The following RBFOX2 variants were observed in gnomAD, a reference collection of about 807,000 sequenced individuals.
The protein encoded by RBFOX2 is RNA binding protein fox-1 homolog 2.
In RBFOX2, 10 loss-of-function variants were observed where a neutral mutation model predicts 49.1. That is an observed-to-expected ratio of 0.20 (90% CI 0.13 to 0.35). The LOEUF is 0.35. RBFOX2 is among the 10% of genes least tolerant of loss of function. The pLI is 1.00. For synonymous variants in RBFOX2, 183 were observed against 187.4 expected (o/e 0.98, Z 0.19); for missense variants, 323 against 486.9 (o/e 0.66, Z 3.17).
Position 35,828,616 on chromosome 22 carries a change from T to A in RBFOX2, c.27+11576A>T, listed in dbSNP as rs1337472126. On this transcript the variant is annotated intron_variant, in intron 1 of 11. Transcript: ENST00000405409. ...GGAGCTCACACAGTGCCAAGAATAA[T>A]CCTGTTCTTAACAGCCAGAGTGGAA... Among the ~76,000 whole-genome samples the A allele has an allele frequency of 5.9e-5, 9 of 152,274 alleles. No homozygotes were observed. The South Asian group carries it at 1.9e-3, about 32-fold the overall frequency.
At chr22:35,741,013 A>G (rs2145636094) in exon 12 of RBFOX2, 1 of 152,312 alleles carries the variant, frequency 6.6e-6, no homozygotes, top group South Asian at 2.1e-4. Flanking sequence ...TTCTTTCTCA[A>G]AGAAAAAAAA....
intron 1 of RBFOX2, among the ~76,000 whole-genome samples, chr22:35,849,426 A>C (rs149158876): frequency 4.5e-4 from 69 of 152,208 alleles, no homozygotes; most frequent in African/African-American, 1.6e-3. Flanking sequence ...AAATCCTCTT[A>C]TTACAGTAAA....
At chr22:35,757,418 T>A (rs1461265936) in intron 9 of RBFOX2, among the ~76,000 whole-genome samples, 1 of 152,132 alleles carries the variant, frequency 6.6e-6, no homozygotes, top group Non-Finnish European at 1.5e-5. Flanking sequence ...CAAGATCAGA[T>A]TGTTTTAATT....
rs1399863379 is a variant in RBFOX2 at position 35,778,200 on chromosome 22, GTTTGTA to G, written c.400-128_400-123del. ...AGTAAACTACTTATTTAACTTCTAT[GTTTGTA>G]TTTGTTAGTAAGTTCCAATACCAGT... On this transcript the variant is annotated intron_variant, in intron 3 of 11. Coordinates refer to ENST00000405409, the Ensembl canonical transcript of RBFOX2. 18 of 774,496 alleles carry G rather than the reference GTTTGTA, an allele frequency of 2.3e-5. No homozygotes were observed. In the African/African-American group the frequency reaches 3.2e-4, roughly 14 times the overall value. 48.0% of individuals were successfully genotyped at this position (774,496 alleles called of 1,614,324 possible).
intron 1 of RBFOX2, among the ~76,000 whole-genome samples, chr22:35,878,011 T>C: frequency 6.7e-6 from 1 of 148,612 alleles, no homozygotes; most frequent in Admixed American, 6.7e-5. Flanking sequence ...TTATTTTACA[T>C]ACATATACAT....
upstream of RBFOX2, among the ~76,000 whole-genome samples, chr22:35,845,548 A>G (rs1009983789): frequency 6.6e-6 from 1 of 152,214 alleles, no homozygotes; most frequent in African/African-American, 2.4e-5. Flanking sequence ...CAGTGAGGCC[A>G]GGCAAATCAA....
chr22:35,841,096 T>C (rs1481200977), upstream of RBFOX2, among the ~76,000 whole-genome samples: 1 of 152,188 alleles, frequency 6.6e-6, no homozygotes, highest in Non-Finnish European at 1.5e-5. Context: ...GAAAAAGGTG[T>C]CTACAAATAT....
At chr22:35,993,569 G>T (rs1486912431) in intron 1 of RBFOX2, 1 of 152,056 alleles carries the variant, frequency 6.6e-6, no homozygotes, top group Admixed American at 6.6e-5. Context: ...AGAGATCCTG[G>T]GACAGAACTA....
chr22:35,943,712 C>A (rs1280823348), upstream of RBFOX2, among the ~76,000 whole-genome samples: 2 of 152,162 alleles, frequency 1.3e-5, no homozygotes, highest in Non-Finnish European at 2.9e-5. Flanking sequence ...TCGTGGCTAA[C>A]ACAGTGAAAT....
intron 1 of RBFOX2, among the ~76,000 whole-genome samples, chr22:36,005,044 C>T (rs146752259): frequency 6.6e-6 from 1 of 152,318 alleles, no homozygotes; most frequent in Non-Finnish European, 1.5e-5. Context: ...ACCTCATACA[C>T]ATTAGATGCT....
chr22:35,852,917 A>C (rs751088705), intron 1 of RBFOX2, among the ~76,000 whole-genome samples: 50 of 152,352 alleles, frequency 3.3e-4, no homozygotes, highest in Admixed American at 2.5e-3. Flanking sequence ...ATGTTATTGA[A>C]GGCCTAGTCA....
chr22:35,892,854 C>T (rs1000135423), intron 1 of RBFOX2, among the ~76,000 whole-genome samples: 27 of 152,130 alleles, frequency 1.8e-4, no homozygotes, highest in Admixed American at 3.9e-4. Context: ...ATATGACTGC[C>T]GAAAGTCACA....
intron 1 of RBFOX2, among the ~76,000 whole-genome samples, chr22:35,947,341 T>C (rs1420788626): frequency 6.6e-6 from 1 of 152,156 alleles, no homozygotes; most frequent in Non-Finnish European, 1.5e-5. Context: ...GTCTAGCGCA[T>C]ACAACAATGT....
At chr22:36,010,466 A>G (rs1160035005) in intron 1 of RBFOX2, among the ~76,000 whole-genome samples, 4 of 152,000 alleles carry the variant, frequency 2.6e-5, no homozygotes, top group Non-Finnish European at 5.9e-5. Context: ...GCACGGTGAG[A>G]TTAGAACTGA....
chr22:35,854,596 G>GAA (rs970060298), intron 1 of RBFOX2, among the ~76,000 whole-genome samples: 235 of 138,342 alleles, frequency 1.7e-3, no homozygotes, highest in Admixed American at 2.0e-3. Flanking sequence ...CCTGTCTCTT[G>GAA]AAAAAAAAAA....
At chr22:36,016,305 C>G (rs2059033834) in intron 1 of RBFOX2, among the ~76,000 whole-genome samples, 1 of 152,116 alleles carries the variant, frequency 6.6e-6, no homozygotes, top group South Asian at 2.1e-4. Context: ...CACCCCCAGT[C>G]TCCCCAGGCC....
chr22:35,965,292 G>A (rs1418072126), upstream of RBFOX2, among the ~76,000 whole-genome samples: 1 of 152,150 alleles, frequency 6.6e-6, no homozygotes, highest in Non-Finnish European at 1.5e-5. Flanking sequence ...AGAATTGAGA[G>A]ATATGACCAG....
At chr22:35,775,213 A>G (rs1393209499) in intron 4 of RBFOX2, among the ~76,000 whole-genome samples, 2 of 152,184 alleles carry the variant, frequency 1.3e-5, no homozygotes, top group African/African-American at 4.8e-5. Flanking sequence ...ATAAATCTCT[A>G]TTAGGAGCCT....
intron 2 of RBFOX2, among the ~76,000 whole-genome samples, chr22:35,801,359 C>T (rs111573616): frequency 0.034 from 5,190 of 151,856 alleles, 129 homozygotes; most frequent in Middle Eastern, 0.048. Flanking sequence ...AATAAAATAA[C>T]CTAAATATTG....
Sources: gnomAD v4.1 joint callset for allele counts (sites outside exome capture counted in the v4.1 genomes callset) on GRCh38, gnomAD v4.1.1 for gene constraint, MANE v1.5 for transcripts, NCBI Gene and HGNC (gene_info 2026-07-23, HGNC 2026-07-21) for gene names.